KYAT3: variants seen among roughly 807,000 people sequenced by gnomAD.
The protein encoded by KYAT3 is kynurenine aminotransferase 3.
Under a neutral mutation model 59.0 loss-of-function variants are expected in KYAT3, and 50 were observed. The ratio of observed to expected loss-of-function variants is 0.85; its 90% confidence interval spans 0.68 to 1.07. The LOEUF (loss-of-function observed/expected upper bound fraction) is 1.07. Ranked by LOEUF, KYAT3 falls within the 50% of genes least tolerant of loss-of-function variation. KYAT3 has a pLI of 0.00. For missense variants in KYAT3, 497 were observed against 533.3 expected (o/e 0.93, Z 0.67); for synonymous variants, 148 against 177.0 (o/e 0.84, Z 1.30).
intron 10 of KYAT3, among the ~76,000 whole-genome samples, chr1:88,950,108 C>T (rs1490389296): frequency 6.6e-6 from 1 of 152,100 alleles, no homozygotes; most frequent in Non-Finnish European, 1.5e-5. Flanking sequence ...GAAGCATGTC[C>T]CCACCAGACA....
chr1:88,981,976 A>C lies in KYAT3; in HGVS notation c.99+6276T>G, dbSNP rs1677113462. 9.1e-6 allele frequency: 9 copies of C among 984,438 alleles called. No individual in the cohort carries two copies. In the South Asian group the frequency reaches 3.3e-4, roughly 36 times the overall value. The allele number at this position is 984,438 out of a possible 1,614,324, so 61.0% of individuals were successfully genotyped here. ...TGCAGCTTCATGGTTGGTTTTGGCC[A>C]AACTTTTTATTTAGTATTCCGTAGT... On this transcript the variant is annotated intron_variant, in intron 2 of 13. Coordinates refer to ENST00000260508, the MANE Select transcript of KYAT3 (RefSeq NM_001008661.3).
chr1:88,957,363 G>T (rs575532755), intron 8 of KYAT3, among the ~76,000 whole-genome samples: 1 of 151,998 alleles, frequency 6.6e-6, no homozygotes. Flanking sequence ...TTTTCTATTT[G>T]ATCAGAGAAA....
At chr1:88,932,523 T>C (rs1185297680), downstream of KYAT3, among the ~76,000 whole-genome samples, 1 of 152,178 alleles carries the variant, frequency 6.6e-6, no homozygotes, top group African/African-American at 2.4e-5. Context: ...AGACAGGGTC[T>C]TGCTTTGTTG....
intron 13 of KYAT3, among the ~76,000 whole-genome samples, 164 bp downstream of exon 13, chr1:88,942,841 C>A (rs1035431751): frequency 4.6e-5 from 7 of 152,042 alleles, no homozygotes; most frequent in Non-Finnish European, 1.0e-4. Context: ...CGATTACAGG[C>A]ATGAGCCACC....
downstream of KYAT3, among the ~76,000 whole-genome samples, chr1:88,932,271 T>G (rs369638644): frequency 2.6e-5 from 4 of 152,244 alleles, no homozygotes; most frequent in African/African-American, 9.6e-5. Context: ...CATTGCCATA[T>G]GATATTCCAC....
At position 88,954,087 on chromosome 1, in the gene KYAT3, A is replaced by T. The variant is rs375892918; in HGVS notation, c.865-935T>A. 3.3e-5 allele frequency among the ~76,000 whole-genome samples: 5 copies of T among 151,820 alleles called. 1 individual carries two copies. Among genetic ancestry groups the T allele is most frequent in the Middle Eastern group, 3.4e-3 (1 of 292 alleles). ...CAGCTAATTTTTTTGTATTTAGTAG[A>T]GATGGGGTTCCACCATGTTAGGCTG... On this transcript the variant is annotated intron_variant, in intron 9 of 13. Transcript: ENST00000260508.
At chr1:88,987,342 G>A (rs757814342) in intron 2 of KYAT3, among the ~76,000 whole-genome samples, 4 of 152,006 alleles carry the variant, frequency 2.6e-5, no homozygotes, top group Non-Finnish European at 4.4e-5. Flanking sequence ...TGGTCACGGT[G>A]GCATAAAGAG....
chr1:88,979,775 A>C (rs1484254592), intron 2 of KYAT3: 8 of 152,226 alleles, frequency 5.3e-5, no homozygotes. Flanking sequence ...TTACTTTATT[A>C]AACATAAATC....
intron 9 of KYAT3, 55 bp downstream of exon 9, chr1:88,955,094 A>G (rs1190398633): frequency 8.2e-7 from 1 of 1,215,796 alleles, no homozygotes; most frequent in African/African-American, 1.5e-5. Context: ...CACTCAACAA[A>G]AAATAAATAA....
intron 11 of KYAT3, among the ~76,000 whole-genome samples, chr1:88,947,347 A>AGT (rs1367798861): frequency 6.6e-6 from 1 of 152,152 alleles, no homozygotes; most frequent in East Asian, 1.9e-4. Flanking sequence ...CTGCTGGTTG[A>AGT]GTGTGTATAT....
chr1:88,989,650 C>T (rs1677673219), intron 1 of KYAT3, among the ~76,000 whole-genome samples: 1 of 152,110 alleles, frequency 6.6e-6, no homozygotes, highest in Non-Finnish European at 1.5e-5. Flanking sequence ...ATAATAAAAG[C>T]AAGTAAGCTT....
intron 9 of KYAT3, among the ~76,000 whole-genome samples, chr1:88,953,958 A>G (rs913301107): frequency 6.7e-6 from 1 of 150,048 alleles, no homozygotes; most frequent in African/African-American, 2.5e-5. Context: ...ACTAGAGTGC[A>G]ATGGCCGGAT....
chr1:88,984,026 T>C (rs1677286077), intron 2 of KYAT3: 8 of 494,096 alleles, frequency 1.6e-5, no homozygotes, highest in South Asian at 1.3e-4. Context: ...AAAATTACTT[T>C]CTTTTGCCAC....
downstream of KYAT3, among the ~76,000 whole-genome samples, chr1:88,932,794 C>G (rs1256713168): frequency 6.6e-6 from 1 of 152,146 alleles, no homozygotes; most frequent in East Asian, 1.9e-4. Flanking sequence ...TGGCACCAAG[C>G]TGGCATTATT....
At chr1:88,975,533 G>A (rs1014499198) in intron 2 of KYAT3, among the ~76,000 whole-genome samples, 1 of 152,182 alleles carries the variant, frequency 6.6e-6, no homozygotes, top group African/African-American at 2.4e-5. Flanking sequence ...CACGTGGAAG[G>A]TGAGTGCTGT....
downstream of KYAT3, among the ~76,000 whole-genome samples, chr1:88,932,010 G>A (rs143694315): frequency 1.3e-5 from 2 of 150,966 alleles, no homozygotes; most frequent in African/African-American, 4.9e-5. Flanking sequence ...AGTTTCCCAT[G>A]GTAATCTTAG....
At chr1:88,924,028 T>G in the KYAT3 span, among the ~76,000 whole-genome samples, 1 of 152,218 alleles carries the variant, frequency 6.6e-6, no homozygotes, top group Non-Finnish European at 1.5e-5. Context: ...ATTGGAGGTA[T>G]AGGTTGTGAC....
chr1:88,936,347 T>C (rs1675038218), intron 13 of KYAT3, 102 bp from the exon 14 acceptor site: 1 of 869,878 alleles, frequency 1.1e-6, no homozygotes, highest in Non-Finnish European at 1.7e-6. Flanking sequence ...AGTGAATATC[T>C]GATCTCAAGT....
chr1:88,983,648 G>A, intron 2 of KYAT3: 1 of 1,613,870 alleles, frequency 6.2e-7, no homozygotes, highest in Non-Finnish European at 8.5e-7. Context: ...CTTAGCGTCT[G>A]CTGGGCTTTC....
Sources: gnomAD v4.1 joint callset for allele counts (sites outside exome capture counted in the v4.1 genomes callset) on GRCh38, gnomAD v4.1.1 for gene constraint, MANE v1.5 for transcripts, NCBI Gene and HGNC (gene_info 2026-07-23, HGNC 2026-07-21) for gene names.